The following CD276 variants were observed in gnomAD, a reference collection of about 807,000 sequenced individuals.
The protein encoded by CD276 is CD276 molecule.
CD276 carries 34 observed loss-of-function variants against 50.0 expected under a neutral mutation model. The observed-to-expected ratio is 0.68, with a 90% CI of 0.52 to 0.91. The LOEUF is 0.91. Ranked by LOEUF, CD276 falls within the 40% of genes least tolerant of loss-of-function variation. CD276 has a pLI of 0.00. For missense variants in CD276, 634 were observed against 717.5 expected, an observed-to-expected ratio of 0.88 and a Z score of 1.33; for synonymous variants, 275 against 313.0, an observed-to-expected ratio of 0.88 and a Z score of 1.28.
At chr15:73,686,080 T>A (rs1899749938) in intron 1 of CD276, among the ~76,000 whole-genome samples, 1 of 152,184 alleles carries the variant, frequency 6.6e-6, no homozygotes, top group Non-Finnish European at 1.5e-5. Flanking sequence ...GGGTCAGCCC[T>A]GTGGACCTCA....
chr15:73,702,032 G>A (rs114509486), intron 2 of CD276, among the ~76,000 whole-genome samples: 7 of 152,250 alleles, frequency 4.6e-5, no homozygotes, highest in East Asian at 1.9e-4. Context: ...GGATGTGACC[G>A]TAGTATTGCT....
intron 9 of CD276, among the ~76,000 whole-genome samples, chr15:73,712,499 G>A (rs1054029689): frequency 5.3e-5 from 8 of 152,246 alleles, no homozygotes. Context: ...AAGGGAAGGA[G>A]GAGGGCCCCT....
Position 73,703,082 on chromosome 15 carries a change from C to T in CD276, c.729C>T (p.Pro243=), listed in dbSNP as rs759070130. 6.3e-7 allele frequency: 1 copy of T among 1,592,466 alleles called. No individual in the cohort carries two copies. Among genetic ancestry groups the T allele is most frequent in the South Asian group, 1.1e-5 (1 of 88,982 alleles). ...TCACCATCACACCCCAGAGAAGCCCCACAGGTTGCTTTGCTTAAATGTCCC... is the reference window on the plus strand; with the variant it reads ...TCACCATCACACCCCAGAGAAGCCCTACAGGTTGCTTTGCTTAAATGTCCC... ...SSVTITPQRS[P]TGAVEVQVPE... is the part of the protein sequence containing the mutation. The change falls in exon 4 of 10, where the codon CCC becomes CCT. Residue 243 remains proline (P), a synonymous_variant. Transcript: ENST00000318443.
chr15:73,713,051 C>A lies in CD276; in HGVS notation c.*95C>A. On this transcript the variant is annotated 3_prime_UTR_variant, in exon 10 of 10. Transcript: ENST00000318443. ...TGAGCCCTGCCCCCAACAGATGCAT[C>A]CTGCTCTGACAGGTGGGCTCCTTCT... 1 of 1,146,278 alleles carries A rather than the reference C, an allele frequency of 8.7e-7. No homozygotes were observed. The highest frequency in any genetic ancestry group is 1.4e-5 in the South Asian group (1 of 72,932). The allele number at this position is 1,146,278 out of a possible 1,614,324, so 71.0% of individuals were successfully genotyped here. A position where few individuals can be genotyped will look rare whatever the true frequency, so the allele number is the denominator to read the frequency against.
At position 73,702,824 on chromosome 15, in the gene CD276, A is replaced by C. The variant is rs11574478; in HGVS notation, c.471A>C (p.Pro157=). The C allele has an allele frequency of 0.12, 187,158 of 1,613,688 alleles. 14,191 individuals carry two copies. Among genetic ancestry groups the C allele is most frequent in the African/African-American group, 0.39 (29,396 of 74,854 alleles). The change falls in exon 4 of 10, where the codon CCA becomes CCC. Residue 157 remains proline, a synonymous_variant. Transcript: ENST00000318443. ...TGGAGCCCAACAAGGACCTGCGGCC[A>C]GGGGACACGGTGACCATCACGTGCT... ...MTLEPNKDLR[P]GDTVTITCSS...
At chr15:73,709,093 C>T (rs1900775555) in intron 7 of CD276, among the ~76,000 whole-genome samples, 1 of 151,990 alleles carries the variant, frequency 6.6e-6, no homozygotes, top group South Asian at 2.1e-4. Flanking sequence ...GGTCAGTTGG[C>T]AGATAGGTGA....
At chr15:73,708,818 G>C (rs980212507) in intron 7 of CD276, 12 of 335,986 alleles carry the variant, frequency 3.6e-5, no homozygotes, top group African/African-American at 2.5e-4. Flanking sequence ...GCAGGCCAGA[G>C]CATGGAAGCT....
At chr15:73,697,749 A>G (rs891692934) in intron 1 of CD276, 3 of 151,592 alleles carry the variant, frequency 2.0e-5, no homozygotes, top group African/African-American at 7.3e-5. Flanking sequence ...TTATATTTTT[A>G]GTAGACACAG....
rs201611942 is a variant in CD276 at position 73,708,609 on chromosome 15, CTG to C, written c.1504+143_1504+144del. ...TGTGTGCAGATGGGGCTGGATTTGT[CTG>C]TGTGTGACCTTGAGTCTACGTCTTG... On this transcript the variant is annotated intron_variant, in intron 7 of 9. Coordinates refer to ENST00000318443, the MANE Select transcript of CD276 (RefSeq NM_001024736.2). The C allele has an allele frequency of 2.3e-3, 2,410 of 1,035,226 alleles. 26 individuals are homozygous for C. The highest frequency in any genetic ancestry group is 0.016 in the East Asian group (610 of 38,306). The allele number at this position is 1,035,226 out of a possible 1,614,324, so 64.1% of individuals were successfully genotyped here.
At position 73,689,193 on chromosome 15, in the gene CD276, TGTGTG is replaced by T. The variant is rs1567012308; in HGVS notation, c.-55+4734_-55+4738del. ...TTTTCAGGGCTCTGTGCCTCCTGTG[TGTGTG>T]TGTGTGTGTGTGTGTGTGTGTGTGT... is the stretch of plus-strand genomic sequence containing the variant. On this transcript the variant is annotated intron_variant, in intron 1 of 9. Coordinates refer to ENST00000318443, the MANE Select transcript of CD276 (RefSeq NM_001024736.2). Among the ~76,000 whole-genome samples the T allele has an allele frequency of 1.9e-4, 24 of 128,842 alleles. No homozygotes were observed. In the South Asian group the frequency reaches 4.1e-3, roughly 22 times the overall value. The allele number at this position is 128,842 out of a possible 152,430, so 84.5% of individuals were successfully genotyped here.
At chr15:73,710,928 G>A (rs1900873563) in intron 8 of CD276, among the ~76,000 whole-genome samples, 1 of 152,180 alleles carries the variant, frequency 6.6e-6, no homozygotes, top group East Asian at 1.9e-4. Context: ...GCCCAGAGAG[G>A]AGAATGACAA....
intron 1 of CD276, among the ~76,000 whole-genome samples, chr15:73,692,157 GT>G (rs1208397335): frequency 6.6e-6 from 1 of 152,006 alleles, no homozygotes; most frequent in African/African-American, 2.4e-5. Context: ...TTTTCATGCT[GT>G]CCCCTCCGCC....
intron 7 of CD276, 104 bp downstream of exon 7, chr15:73,708,577 G>A (rs1900748059): frequency 2.2e-6 from 3 of 1,352,002 alleles, no homozygotes; most frequent in South Asian, 1.4e-5. Context: ...GTGACAGAAC[G>A]AGTGTGTGTG....
At chr15:73,701,303 C>T (rs2141561562) in intron 2 of CD276, among the ~76,000 whole-genome samples, 1 of 152,260 alleles carries the variant, frequency 6.6e-6, no homozygotes, top group East Asian at 1.9e-4. Context: ...ACAGCTGAAA[C>T]CGCCCCTAAC....
intron 1 of CD276, among the ~76,000 whole-genome samples, chr15:73,698,205 CT>C (rs1403854637): frequency 1.3e-5 from 2 of 152,210 alleles, no homozygotes; most frequent in Non-Finnish European, 2.9e-5. Context: ...GTCCTTGCCT[CT>C]TCCACTTCTG....
At chr15:73,712,791 T>C (rs918590214) in intron 9 of CD276, 143 bp from the exon 10 acceptor site, 13 of 829,286 alleles carry the variant, frequency 1.6e-5, no homozygotes, top group Middle Eastern at 2.3e-4. Flanking sequence ...GCACGGGGGC[T>C]GTCCGTTGGG....
At chr15:73,701,522 C>T (rs371814031) in intron 2 of CD276, among the ~76,000 whole-genome samples, 26 of 152,320 alleles carry the variant, frequency 1.7e-4, no homozygotes, top group South Asian at 6.2e-4. Context: ...CCACACTGGA[C>T]GCTCCCCGAT....
intron 1 of CD276, chr15:73,697,764 T>C (rs929652631): frequency 6.6e-6 from 1 of 151,910 alleles, no homozygotes; most frequent in Non-Finnish European, 1.5e-5. Context: ...ACACAGGGTT[T>C]CACCATGTTG....
chr15:73,702,163 G>A (rs1900417159), intron 2 of CD276, 92 bp from the exon 3 acceptor site: 1 of 1,031,908 alleles, frequency 9.7e-7, no homozygotes, highest in Non-Finnish European at 1.4e-6. Flanking sequence ...GGGGTGGACA[G>A]GGCCTGGGGT....
Sources: gnomAD v4.1 joint callset for allele counts (sites outside exome capture counted in the v4.1 genomes callset) on GRCh38, gnomAD v4.1.1 for gene constraint, MANE v1.5 for transcripts, NCBI Gene and HGNC (gene_info 2026-07-23, HGNC 2026-07-21) for gene names.